NHS: variants seen among roughly 807,000 people sequenced by gnomAD.
The protein encoded by NHS is NHS actin remodeling regulator, also known as actin remodeling regulator NHS.
Under a neutral mutation model 72.5 loss-of-function variants are expected in NHS, and 5 were observed. The ratio of observed to expected loss-of-function variants is 0.07; its 90% CI spans 0.04 to 0.14. The LOEUF (loss-of-function observed/expected upper bound fraction) is 0.14, where lower values mean the gene tolerates loss of function less well. NHS is among the 10% of genes least tolerant of loss of function. The probability of loss-of-function intolerance (pLI) is 1.00; values close to 1 mark genes in which losing one functional copy is unlikely to be tolerated. For synonymous variants in NHS, 464 were observed against 547.7 expected (o/e 0.85, Z 2.13); for missense variants, 1,072 against 1,355.7 (o/e 0.79, Z 3.29).
chrX:17,497,048 C>T (rs1022321960), intron 1 of NHS, among the ~76,000 whole-genome samples: 4 of 111,913 alleles, frequency 3.6e-5, no homozygotes, highest in African/African-American at 1.3e-4. Flanking sequence ...TTCATGATTG[C>T]GATGAGATAA....
chrX:17,727,834 A>T lies in NHS; in HGVS notation c.3728A>T (p.Asp1243Val). 8.3e-7 allele frequency: 1 copy of T among 1,211,874 alleles called. No individual in the cohort carries two copies. Among genetic ancestry groups the T allele is most frequent in the East Asian group, 3.0e-5 (1 of 33,844 alleles). ...TITSAGSSLL[D>V]SNVTKDQVRT... ...ACATCAGCTGGTAGCAGTCTTCTAG[A>T]TTCAAATGTCACAAAAGACCAAGTG... Residue 1243 changes from aspartate to valine, a missense_variant, in exon 7 of 9, where the codon GAT becomes GTT. Asp to Val is a radical substitution (Grantham distance 152). Transcript: ENST00000676302.
In NHS at chrX:17,468,544, G is replaced by T. The variant is rs775704972; in HGVS notation, c.565+92222G>T. On this transcript the variant is annotated intron_variant, in intron 1 of 8. Transcript: ENST00000676302. ...AAAATTCTTTTTCATTTTTTTAAAT[G>T]TTTATTTATTTACTTACTTACTTAC... Among the ~76,000 whole-genome samples, 19 of 108,747 alleles carry T rather than the reference G, an allele frequency of 1.7e-4. No individual in the cohort carries two copies. The South Asian group carries it at 6.0e-3, about 34-fold the overall frequency. The allele number at this position is 108,747 out of a possible 115,157, so 94.4% of individuals were successfully genotyped here.
intron 1 of NHS, among the ~76,000 whole-genome samples, chrX:17,418,476 G>A (rs1366437853): frequency 2.7e-5 from 3 of 111,508 alleles, no homozygotes; most frequent in Non-Finnish European, 5.7e-5. Flanking sequence ...TGTCCCCAGC[G>A]GTCCCAAATC....
chrX:17,435,470 T>C (rs2064717411), intron 1 of NHS, among the ~76,000 whole-genome samples: 1 of 111,883 alleles, frequency 8.9e-6, no homozygotes, highest in Admixed American at 9.4e-5. Context: ...GGATCCTTTT[T>C]CCCCAGAGCT....
intron 1 of NHS, among the ~76,000 whole-genome samples, chrX:17,630,362 G>A (rs2065818675): frequency 2.8e-5 from 3 of 108,357 alleles, no homozygotes; most frequent in Admixed American, 1.0e-4. Flanking sequence ...GGACATTAGA[G>A]CCCTAGCAGA....
At chrX:17,615,672 C>T in intron 1 of NHS, among the ~76,000 whole-genome samples, 1 of 110,781 alleles carries the variant, frequency 9.0e-6, no homozygotes, top group East Asian at 2.8e-4. Context: ...ACTTTTCAAA[C>T]CTCATCTGTC....
intron 1 of NHS, among the ~76,000 whole-genome samples, chrX:17,380,417 C>T (rs2064371148): frequency 9.5e-6 from 1 of 105,585 alleles, no homozygotes; most frequent in Admixed American, 1.0e-4. Context: ...AGACTGGGTA[C>T]AGTGACTTGA....
chrX:17,701,145 G>A (rs2066261390), intron 3 of NHS, among the ~76,000 whole-genome samples: 1 of 112,114 alleles, frequency 8.9e-6, no homozygotes, highest in Non-Finnish European at 1.9e-5. Context: ...GCCTAGGTAT[G>A]TAGTAGGCTG....
chrX:17,489,664 T>G (rs1257153455), intron 1 of NHS, among the ~76,000 whole-genome samples: 1 of 111,817 alleles, frequency 8.9e-6, no homozygotes, highest in Non-Finnish European at 1.9e-5. Context: ...ATTTTTTGTA[T>G]TTTTAGTAGA....
chrX:17,496,005 GA>G (rs1048464940), intron 1 of NHS, among the ~76,000 whole-genome samples: 5 of 111,295 alleles, frequency 4.5e-5, no homozygotes, highest in Non-Finnish European at 9.4e-5. Context: ...AGCCTGGAGG[GA>G]GTGGAAACCC....
chrX:17,427,207 A>T (rs781164309), intron 1 of NHS, among the ~76,000 whole-genome samples: 1 of 111,397 alleles, frequency 9.0e-6, no homozygotes, highest in East Asian at 2.8e-4. Flanking sequence ...TTTTGTTGGG[A>T]ATTGAGGCTA....
At chrX:17,434,776 C>G (rs2064713571) in intron 1 of NHS, among the ~76,000 whole-genome samples, 1 of 111,728 alleles carries the variant, frequency 9.0e-6, no homozygotes, top group African/African-American at 3.3e-5. Flanking sequence ...CTACTCTGGC[C>G]CAGGCATTAG....
intron 1 of NHS, among the ~76,000 whole-genome samples, chrX:17,558,525 G>A (rs947341522): frequency 4.5e-5 from 5 of 112,306 alleles, no homozygotes; most frequent in Admixed American, 9.4e-5. Context: ...CATGGGCTTC[G>A]TAGCCACAGA....
chrX:17,411,017 T>C (rs890288579), intron 1 of NHS, among the ~76,000 whole-genome samples: 17 of 111,717 alleles, frequency 1.5e-4, no homozygotes, highest in African/African-American at 5.2e-4. Flanking sequence ...ATTAAGGATA[T>C]TTTGGAGTCC....
intron 1 of NHS, among the ~76,000 whole-genome samples, chrX:17,446,355 TATA>T (rs2064779678): frequency 1.8e-5 from 2 of 111,262 alleles, no homozygotes; most frequent in South Asian, 7.8e-4. Context: ...GACCCGCACG[TATA>T]CATCCAGATG....
intron 1 of NHS, among the ~76,000 whole-genome samples, chrX:17,448,632 T>G (rs762474128): frequency 8.9e-6 from 1 of 111,933 alleles, no homozygotes; most frequent in South Asian, 3.8e-4. Flanking sequence ...AATATGTTCC[T>G]TATGAATGAG....
rs752175574 is a variant in NHS at position 17,514,793 on chromosome X, A to G, written c.565+138471A>G. The stretch of plus-strand genomic sequence containing the variant: ...GACACCCTGGTTTCAACCCTGAGAG[A>G]TTTCTCCAAGGTCTGCTGCACTTAT... On this transcript the variant is annotated intron_variant, in intron 1 of 8. Coordinates refer to ENST00000676302, the MANE Select transcript of NHS (RefSeq NM_001291867.2). Among the ~76,000 whole-genome samples the G allele has an allele frequency of 5.4e-5, 6 of 111,699 alleles. No homozygotes were observed. The South Asian group carries it at 2.2e-3, about 42-fold the overall frequency.
intron 1 of NHS, among the ~76,000 whole-genome samples, chrX:17,393,949 CCT>C (rs2064459141): frequency 9.0e-6 from 1 of 111,355 alleles, no homozygotes; most frequent in Non-Finnish European, 1.9e-5. Flanking sequence ...GCTCAGTTTC[CCT>C]GACTCCGTTG....
chrX:17,447,511 T>C (rs902100002), intron 1 of NHS, among the ~76,000 whole-genome samples: 1 of 111,302 alleles, frequency 9.0e-6, no homozygotes, highest in Admixed American at 9.6e-5. Context: ...GTAGTTTTTA[T>C]TAGTGATGCT....
Sources: gnomAD v4.1 joint callset for allele counts (sites outside exome capture counted in the v4.1 genomes callset) on GRCh38, gnomAD v4.1.1 for gene constraint, MANE v1.5 for transcripts, NCBI Gene and HGNC (gene_info 2026-07-23, HGNC 2026-07-21) for gene names.